The following SORCS3 variants were observed in gnomAD, a reference collection of about 807,000 sequenced individuals.
SORCS3 encodes VPS10 domain-containing receptor SorCS3.
A neutral mutation model predicts 146.3 loss-of-function variants in SORCS3; 57 were observed. That is an observed-to-expected ratio of 0.39 (90% CI 0.31 to 0.49). The LOEUF (loss-of-function observed/expected upper bound fraction) is 0.49, where lower values mean the gene tolerates loss of function less well. SORCS3 is among the 20% of genes least tolerant of loss of function. The pLI, the probability that SORCS3 is intolerant of heterozygous loss-of-function variation, is 0.92. For synonymous variants in SORCS3, 653 were observed against 618.5 expected (o/e 1.06, Z -0.83); for missense variants, 1,341 against 1,575.5 (o/e 0.85, Z 2.52).
chr10:105,070,532 T>C (rs552993813), intron 5 of SORCS3, among the ~76,000 whole-genome samples: 4 of 152,312 alleles, frequency 2.6e-5, no homozygotes, highest in African/African-American at 9.6e-5. Flanking sequence ...CTTCCCAGCC[T>C]GTGATCAAGG....
At chr10:105,091,885 G>A (rs938208558) in intron 6 of SORCS3, among the ~76,000 whole-genome samples, 1 of 152,122 alleles carries the variant, frequency 6.6e-6, no homozygotes, top group Non-Finnish European at 1.5e-5. Context: ...CAGTTTTCAG[G>A]ACAACTCTCG....
At chr10:104,873,916 A>G (rs1487762454) in intron 2 of SORCS3, among the ~76,000 whole-genome samples, 1 of 152,204 alleles carries the variant, frequency 6.6e-6, no homozygotes, top group Non-Finnish European at 1.5e-5. Flanking sequence ...TTTTAATTGA[A>G]TTGCTATCCC....
intron 4 of SORCS3, among the ~76,000 whole-genome samples, chr10:104,999,887 G>T (rs2055050541): frequency 6.6e-6 from 1 of 152,006 alleles, no homozygotes; most frequent in South Asian, 2.1e-4. Flanking sequence ...TTTTCATATG[G>T]CCACCTTCTT....
chr10:104,826,907 A>G (rs1395774103), intron 1 of SORCS3, among the ~76,000 whole-genome samples: 2 of 152,208 alleles, frequency 1.3e-5, no homozygotes, highest in African/African-American at 4.8e-5. Context: ...TTCTGTTGTC[A>G]TTTCAATAAT....
intron 4 of SORCS3, among the ~76,000 whole-genome samples, chr10:105,033,557 CTTCTA>C (rs760924247): frequency 5.3e-5 from 8 of 152,152 alleles, no homozygotes; most frequent in Non-Finnish European, 8.8e-5. Flanking sequence ...CATCTAGGAA[CTTCTA>C]TTCTACTTGA....
intron 4 of SORCS3, among the ~76,000 whole-genome samples, chr10:105,039,481 G>A (rs1205724787): frequency 7.4e-6 from 1 of 134,664 alleles, no homozygotes; most frequent in East Asian, 2.1e-4. Context: ...TTTTGAGATG[G>A]AGTCTTGCTC....
At chr10:105,237,844 A>G (rs1324060329) in intron 20 of SORCS3, among the ~76,000 whole-genome samples, 3 of 152,222 alleles carry the variant, frequency 2.0e-5, no homozygotes, top group African/African-American at 7.2e-5. Flanking sequence ...AATACAATTA[A>G]GGAAATAACC....
At chr10:104,965,458 T>A (rs199718043) in intron 3 of SORCS3, among the ~76,000 whole-genome samples, 1 of 152,226 alleles carries the variant, frequency 6.6e-6, no homozygotes, top group African/African-American at 2.4e-5. Flanking sequence ...CTGGATCATA[T>A]GATAATTCTA....
intron 1 of SORCS3, among the ~76,000 whole-genome samples, chr10:104,708,382 T>C (rs2016371884): frequency 6.6e-6 from 1 of 152,154 alleles, no homozygotes; most frequent in African/African-American, 2.4e-5. Flanking sequence ...GCACAGAATT[T>C]TACCAGCCTT....
intron 3 of SORCS3, among the ~76,000 whole-genome samples, chr10:104,925,011 TC>T (rs1294928255): frequency 5.9e-5 from 9 of 152,202 alleles, no homozygotes; most frequent in African/African-American, 2.2e-4. Flanking sequence ...CAACCCGTCA[TC>T]TAGGTTTTAA....
At chr10:104,854,588 G>A (rs190899578) in intron 2 of SORCS3, among the ~76,000 whole-genome samples, 62 of 151,868 alleles carry the variant, frequency 4.1e-4, no homozygotes, top group Admixed American at 7.9e-4. Flanking sequence ...CCATTTTTTT[G>A]TGTGAGTTTG....
intron 5 of SORCS3, among the ~76,000 whole-genome samples, chr10:105,083,262 T>G (rs1055528251): frequency 4.0e-5 from 6 of 148,760 alleles, no homozygotes; most frequent in East Asian, 3.9e-4. Context: ...TTTCTAGGAG[T>G]TTTTTTTTTC....
chr10:104,834,259 G>A (rs985275716), intron 1 of SORCS3, among the ~76,000 whole-genome samples: 5 of 152,050 alleles, frequency 3.3e-5, no homozygotes, highest in Non-Finnish European at 7.4e-5. Flanking sequence ...ATCCTCTGGT[G>A]GTTTCCCATC....
intron 1 of SORCS3, among the ~76,000 whole-genome samples, chr10:104,794,655 G>A (rs921728128): frequency 7.9e-6 from 1 of 127,052 alleles, no homozygotes; most frequent in Admixed American, 8.3e-5. Flanking sequence ...GAGAGAGAGA[G>A]AGAGAATATT....
chr10:105,172,772 G>A (rs988771618), intron 13 of SORCS3, among the ~76,000 whole-genome samples: 3 of 152,096 alleles, frequency 2.0e-5, no homozygotes, highest in Admixed American at 6.5e-5. Flanking sequence ...TTGGGTAGAA[G>A]GATGATTTCT....
intron 6 of SORCS3, among the ~76,000 whole-genome samples, chr10:105,098,280 C>A (rs906271155): frequency 1.3e-5 from 2 of 152,152 alleles, no homozygotes; most frequent in Non-Finnish European, 1.5e-5. Context: ...CCATAGAAGG[C>A]AGAGTAAAAC....
intron 5 of SORCS3, among the ~76,000 whole-genome samples, chr10:105,084,471 C>G (rs527522577): frequency 9.2e-5 from 14 of 152,274 alleles, no homozygotes; most frequent in Admixed American, 7.2e-4. Flanking sequence ...TTTGTGTGTA[C>G]TTCCCTTGCA....
intron 1 of SORCS3, among the ~76,000 whole-genome samples, chr10:104,721,206 T>A (rs1425491587): frequency 3.3e-5 from 5 of 152,220 alleles, no homozygotes; most frequent in Admixed American, 6.5e-5. Context: ...GCTAGCCAGT[T>A]TTCCCAGCAC....
At chr10:104,895,395 T>C (rs1431537927) in intron 2 of SORCS3, among the ~76,000 whole-genome samples, 1 of 152,124 alleles carries the variant, frequency 6.6e-6, no homozygotes, top group Non-Finnish European at 1.5e-5. Context: ...TTGGAAAGCA[T>C]GTTGGGCAGC....
Sources: gnomAD v4.1 joint callset for allele counts (sites outside exome capture counted in the v4.1 genomes callset) on GRCh38, gnomAD v4.1.1 for gene constraint, MANE v1.5 for transcripts, NCBI Gene and HGNC (gene_info 2026-07-23, HGNC 2026-07-21) for gene names.